The following YPEL1 variants were observed in gnomAD, a reference collection of about 807,000 sequenced individuals.
YPEL1 encodes yippee like 1, also known as protein yippee-like 1.
In YPEL1, 7 loss-of-function variants were observed where a neutral mutation model predicts 17.3. The observed-to-expected ratio is 0.40, with a 90% CI of 0.23 to 0.76. The LOEUF (loss-of-function observed/expected upper bound fraction) is 0.76. YPEL1 is among the 30% of genes least tolerant of loss of function. The pLI is 0.35. For missense variants in YPEL1, 91 were observed against 155.5 expected (o/e 0.59, Z 2.21); for synonymous variants, 59 against 59.6 (o/e 0.99, Z 0.05).
chr22:21,733,112 GTCTC>G (rs1027779908), intron 1 of YPEL1, among the ~76,000 whole-genome samples: 4 of 151,740 alleles, frequency 2.6e-5, no homozygotes, highest in Non-Finnish European at 4.4e-5. Flanking sequence ...GCAAGACTCT[GTCTC>G]TCTAATATAA....
chr22:21,714,439 G>A (rs989132799), intron 1 of YPEL1, among the ~76,000 whole-genome samples: 4 of 152,142 alleles, frequency 2.6e-5, no homozygotes, highest in South Asian at 2.1e-4. Flanking sequence ...TGACACCGAC[G>A]ATGCTGTGAG....
chr22:21,719,247 A>G (rs2068256892), intron 1 of YPEL1, among the ~76,000 whole-genome samples: 1 of 152,184 alleles, frequency 6.6e-6, no homozygotes, highest in Non-Finnish European at 1.5e-5. Flanking sequence ...TCATGTGACA[A>G]CTTGTCAGTA....
In YPEL1 at chr22:21,726,389, G is replaced by A. The variant is rs549512052; in HGVS notation, c.-165+9226C>T. Among the ~76,000 whole-genome samples, 17 of 152,314 alleles carry A rather than the reference G, an allele frequency of 1.1e-4. No homozygotes were observed. The East Asian group carries it at 1.7e-3, about 16-fold the overall frequency. ...CTTAGGGTCGGCAAATTCTCAGGCC[G>A]TTGAATTCTCACAACATCCTGAGAA... On this transcript the variant is annotated intron_variant, in intron 1 of 4. Transcript: ENST00000339468.
At position 21,699,797 on chromosome 22, in the gene YPEL1, G is replaced by A. The variant is rs2068046215; in HGVS notation, c.*1332C>T. On this transcript the variant is annotated 3_prime_UTR_variant, in exon 5 of 5. Coordinates refer to ENST00000339468, the MANE Select transcript of YPEL1 (RefSeq NM_013313.5). ...AAATCTGACTTTTCCTCGGTCCAGTGTGTTACTCTATAGACATGGACCAGC... is the reference window on the plus strand; with the variant it reads ...AAATCTGACTTTTCCTCGGTCCAGTATGTTACTCTATAGACATGGACCAGC... 2 of 152,804 alleles carry A rather than the reference G, an allele frequency of 1.3e-5. No homozygotes were observed. Among genetic ancestry groups the A allele is most frequent in the South Asian group, 2.1e-4 (1 of 4,822 alleles). 9.5% of individuals were successfully genotyped at this position (152,804 alleles called of 1,614,324 possible). A position where few individuals can be genotyped will look rare whatever the true frequency, so the allele number is the denominator to read the frequency against.
intron 1 of YPEL1, among the ~76,000 whole-genome samples, chr22:21,712,313 A>G (rs1232999726): frequency 6.6e-6 from 1 of 150,970 alleles, no homozygotes; most frequent in Admixed American, 6.6e-5. Context: ...TATTCTCTCT[A>G]TACATATTCT....
chr22:21,731,091 G>A (rs1487617128), intron 1 of YPEL1, among the ~76,000 whole-genome samples: 1 of 152,180 alleles, frequency 6.6e-6, no homozygotes, highest in Non-Finnish European at 1.5e-5. Context: ...ACAACAAGAA[G>A]AGGGGGCTGT....
At chr22:21,731,213 A>G (rs1169275485) in intron 1 of YPEL1, among the ~76,000 whole-genome samples, 1 of 149,732 alleles carries the variant, frequency 6.7e-6, no homozygotes, top group Non-Finnish European at 1.5e-5. Context: ...ACCCGTCTCT[A>G]AAAAAAAATT....
In YPEL1 at chr22:21,703,951, C is replaced by G. The variant is rs1372959765; in HGVS notation, c.118-69G>C. 10 of 1,529,302 alleles carry G rather than the reference C, an allele frequency of 6.5e-6. No homozygotes were observed. Among genetic ancestry groups the G allele is most frequent in the Non-Finnish European group, 8.9e-6 (10 of 1,126,198 alleles). 94.7% of individuals were successfully genotyped at this position (1,529,302 alleles called of 1,614,324 possible). Reference sequence around the variant, plus strand: ...GGAACGAAGCGGTGCTGCCCAGAACCAGGGGAGTCCAGCCCCGCGGCTGTT... The same window carrying G: ...GGAACGAAGCGGTGCTGCCCAGAACGAGGGGAGTCCAGCCCCGCGGCTGTT... On this transcript the variant is annotated intron_variant, in intron 2 of 4. Coordinates refer to ENST00000339468, the MANE Select transcript of YPEL1 (RefSeq NM_013313.5). This position sits in a 1 kb window ranked among gnomAD's most constrained non-coding sequence, Gnocchi z 6.1.
intron 1 of YPEL1, among the ~76,000 whole-genome samples, chr22:21,712,709 G>A: frequency 7.2e-6 from 1 of 138,880 alleles, no homozygotes; most frequent in African/African-American, 2.6e-5. Context: ...CTGGGCGACA[G>A]AGTGAGACTA....
intron 1 of YPEL1, among the ~76,000 whole-genome samples, chr22:21,712,725 CAAAAAA>C (rs33967845): frequency 3.3e-5 from 3 of 89,636 alleles, no homozygotes; most frequent in African/African-American, 4.9e-5. Context: ...GACTACATCT[CAAAAAA>C]AAAAAAAAAA....
chr22:21,711,125 G>C (rs1190135287), intron 1 of YPEL1, among the ~76,000 whole-genome samples: 1 of 151,614 alleles, frequency 6.6e-6, no homozygotes, highest in Non-Finnish European at 1.5e-5. Context: ...CTGGGTTCAA[G>C]CGATTCTTCT....
intron 1 of YPEL1, among the ~76,000 whole-genome samples, chr22:21,726,049 A>G (rs1296174615): frequency 1.3e-5 from 2 of 152,176 alleles, no homozygotes; most frequent in Admixed American, 6.5e-5. Flanking sequence ...AAACACTGGT[A>G]AGCTTGTTAA....
chr22:21,714,285 C>T (rs555856716), intron 1 of YPEL1, among the ~76,000 whole-genome samples: 7 of 152,350 alleles, frequency 4.6e-5, no homozygotes, highest in Admixed American at 1.3e-4. Flanking sequence ...CCGGTCACCA[C>T]GGCGCTGCTG....
rs1192150747 is a variant in YPEL1 at position 21,703,870 on chromosome 22, T to C, written c.130A>G (p.Ser44Gly). 6.2e-7 allele frequency: 1 copy of C among 1,604,328 alleles called. No individual in the cohort carries two copies. The highest frequency in any genetic ancestry group is 8.5e-7 in the Non-Finnish European group (1 of 1,175,552). The change falls in exon 3 of 5, where the codon AGC (serine) becomes GGC (glycine). Residue 44 changes from serine to glycine, a missense_variant. Coordinates refer to ENST00000339468, the MANE Select transcript of YPEL1 (RefSeq NM_013313.5). This position sits in a 1 kb window ranked among gnomAD's most constrained non-coding sequence, Gnocchi z 6.1. ...TTGAAGAGGTAGGCGCGTCCCTGGC[T>C]CCCCTGAAAGGACTGAAAGAAGAAG... Reference protein sequence around the residue: ...DELISKSFQGSQGRAYLFNSV... With the variant: ...DELISKSFQGGQGRAYLFNSV...
chr22:21,730,222 G>A (rs192166922), intron 1 of YPEL1, among the ~76,000 whole-genome samples: 97 of 152,098 alleles, frequency 6.4e-4, no homozygotes, highest in Admixed American at 4.6e-3. Flanking sequence ...ACACACATCA[G>A]GGACATTTCC....
chr22:21,708,001 C>T (rs901515220), intron 2 of YPEL1, among the ~76,000 whole-genome samples: 6 of 152,170 alleles, frequency 3.9e-5, no homozygotes, highest in African/African-American at 9.7e-5. Context: ...ACAGCAGCAA[C>T]AGGCTCCCTC....
chr22:21,709,088 C>G (rs2068141282), intron 2 of YPEL1, among the ~76,000 whole-genome samples: 1 of 152,164 alleles, frequency 6.6e-6, no homozygotes, highest in Non-Finnish European at 1.5e-5. Flanking sequence ...GAAACAAAAC[C>G]ATGCATGGGG....
rs1210006573 is a variant in YPEL1 at position 21,715,744 on chromosome 22, ATTTTTC to A, written c.-164-4842_-164-4837del. Among the ~76,000 whole-genome samples, 26 of 86,106 alleles carry A rather than the reference ATTTTTC, an allele frequency of 3.0e-4. No homozygotes were observed. The East Asian group carries it at 6.5e-3, about 22-fold the overall frequency. The allele number at this position is 86,106 out of a possible 152,430, so 56.5% of individuals were successfully genotyped here. A position where few individuals can be genotyped will look rare whatever the true frequency, so the allele number is the denominator to read the frequency against. On this transcript the variant is annotated intron_variant, in intron 1 of 4. Coordinates refer to ENST00000339468, the MANE Select transcript of YPEL1 (RefSeq NM_013313.5). The stretch of plus-strand genomic sequence containing the variant: ...CTACTGGCACGTGCCACCACACCTA[ATTTTTC>A]TTTTTCTTTTCTTTTTTTTTTTTTT...
At chr22:21,726,301 C>T (rs1412975055) in intron 1 of YPEL1, among the ~76,000 whole-genome samples, 4 of 152,196 alleles carry the variant, frequency 2.6e-5, no homozygotes, top group African/African-American at 9.7e-5. Flanking sequence ...AGGCGCAAGG[C>T]CCCCAGAATG....
Sources: allele counts gnomAD v4.1 joint callset (sites outside exome capture counted in the v4.1 genomes callset), GRCh38; gene constraint gnomAD v4.1.1; non-coding constraint Gnocchi (gnomAD v3.1); transcripts MANE v1.5; gene names NCBI Gene and HGNC (gene_info 2026-07-23, HGNC 2026-07-21).